The following MX1 variants were observed in gnomAD, a reference collection of about 807,000 sequenced individuals.
MX1 encodes MX dynamin like GTPase 1, also known as interferon-induced GTP-binding protein Mx1.
MX1 carries 66 observed loss-of-function variants against 66.4 expected under a neutral mutation model. That is an observed-to-expected ratio of 0.99 (90% confidence interval 0.82 to 1.22). MX1 has a LOEUF of 1.22. Among genes scored for constraint, MX1 ranks in the 50% most tolerant of loss-of-function variants. The probability of loss-of-function intolerance (pLI) is 0.00; values close to 1 mark genes in which losing one functional copy is unlikely to be tolerated. For missense variants in MX1, 787 were observed against 834.3 expected (o/e 0.94, Z 0.70); for synonymous variants, 311 against 318.1 (o/e 0.98, Z 0.24).
chr21:41,455,693 T>C (rs1182105697), intron 16 of MX1, among the ~76,000 whole-genome samples: 1 of 152,240 alleles, frequency 6.6e-6, no homozygotes, highest in African/African-American at 2.4e-5. Context: ...CCTGGGAGAT[T>C]GTTCTGCCTC....
chr21:41,435,852 C>A lies in MX1; in HGVS notation c.121C>A (p.Leu41Met). Residue 41 changes from leucine to methionine, a missense_variant, in exon 6 of 17, where the codon CTG (leucine) becomes ATG (methionine). Physicochemically the swap from Leu to Met is conservative, Grantham distance 15. Transcript: ENST00000398598. The part of the protein sequence containing the change: ...KNPGSVAENN[L>M]CSQYEEKVRP... The stretch of plus-strand genomic sequence containing the variant: ...TTTCCTCCAGGTGGCTGAGAACAAC[C>A]TGTGCAGCCAGTATGAGGAGAAGGT... The A allele has an allele frequency of 2.5e-6, 4 of 1,608,744 alleles. No homozygotes were observed. Among genetic ancestry groups the A allele is most frequent in the Non-Finnish European group, 3.4e-6 (4 of 1,175,668 alleles).
chr21:41,458,082 C>A (rs1158131644), intron 16 of MX1, among the ~76,000 whole-genome samples: 1 of 152,302 alleles, frequency 6.6e-6, no homozygotes, highest in East Asian at 1.9e-4. Flanking sequence ...CAGCTCACTG[C>A]AGCCTCCCCC....
chr21:41,433,098 T>G (rs2090266886), intron 5 of MX1, among the ~76,000 whole-genome samples: 1 of 152,112 alleles, frequency 6.6e-6, no homozygotes, highest in Non-Finnish European at 1.5e-5. Context: ...GAGAACAGAG[T>G]GTGTCTCGTG....
chr21:41,444,518 G>T (rs2090609725), intron 11 of MX1, among the ~76,000 whole-genome samples: 1 of 151,018 alleles, frequency 6.6e-6, no homozygotes. Context: ...GTAGAGACAG[G>T]GTTTCACCAT....
At chr21:41,449,022 TACC>T in intron 13 of MX1, 112 bp from the exon 14 acceptor site, 1 of 861,714 alleles carries the variant, frequency 1.2e-6, no homozygotes, top group Non-Finnish European at 1.7e-6. Context: ...TTTGATTTGA[TACC>T]ACTTTTTCTT....
intron 5 of MX1, among the ~76,000 whole-genome samples, chr21:41,434,949 C>CA (rs1401101052): frequency 6.6e-6 from 1 of 152,220 alleles, no homozygotes; most frequent in Non-Finnish European, 1.5e-5. Flanking sequence ...TCCTGTAGTG[C>CA]AGGTCTGCTG....
At chr21:41,453,236 T>C (rs918345016) in intron 16 of MX1, among the ~76,000 whole-genome samples, 2 of 152,176 alleles carry the variant, frequency 1.3e-5, no homozygotes, top group African/African-American at 2.4e-5. Flanking sequence ...CTCACTACCA[T>C]GAGAACAGTA....
chr21:41,453,378 A>C (rs2090883920), intron 16 of MX1, among the ~76,000 whole-genome samples: 1 of 152,350 alleles, frequency 6.6e-6, no homozygotes, highest in East Asian at 1.9e-4. Context: ...CCTTCGTAGA[A>C]GCAGCTCAAC....
chr21:41,430,421 A>T (rs998702197), intron 3 of MX1, 112 bp from the exon 4 acceptor site: 1 of 128,374 alleles, frequency 7.8e-6, no homozygotes, highest in Non-Finnish European at 1.6e-5. Context: ...TTCAGAGCAC[A>T]CCCCTCCTGC....
At position 41,437,086 on chromosome 21, in the gene MX1, GTCAGT is replaced by G. The variant is rs1223448607; in HGVS notation, c.372_376del (p.Ser125ProfsTer6). 6.2e-7 allele frequency: 1 copy of G among 1,613,914 alleles called. No individual in the cohort carries two copies. The highest frequency in any genetic ancestry group is 1.1e-5 in the South Asian group (1 of 91,090). ...GAACGAAGATAAGTGGAGAGGCAAGGTCAGTTACCAGGACTACGAGATTGAGATTT... is the reference window on the plus strand; with the variant it reads ...GAACGAAGATAAGTGGAGAGGCAAGGTACCAGGACTACGAGATTGAGATTT... On this transcript the variant is annotated frameshift_variant, in exon 7 of 17. Coordinates refer to ENST00000398598, the MANE Select transcript of MX1 (RefSeq NM_002462.5). LOFTEE classifies it high-confidence loss of function.
At chr21:41,437,333 A>T (rs1443497373) in intron 7 of MX1, among the ~76,000 whole-genome samples, 181 bp downstream of exon 7, 2 of 152,108 alleles carry the variant, frequency 1.3e-5, no homozygotes, top group African/African-American at 4.8e-5. Context: ...GGATATCAGC[A>T]TCTGATAGCA....
At chr21:41,447,340 TCAG>T (rs1176741932) in intron 13 of MX1, among the ~76,000 whole-genome samples, 1 of 152,116 alleles carries the variant, frequency 6.6e-6, no homozygotes, top group African/African-American at 2.4e-5. Flanking sequence ...CCAAACACAG[TCAG>T]ATTCTGAGTT....
rs8133880 is a variant in MX1, at chr21:41,441,045, A to G, written c.730+20A>G. 1.3e-6 allele frequency: 2 copies of G among 1,534,442 alleles called. No individual in the cohort carries two copies. Among genetic ancestry groups the G allele is most frequent in the Non-Finnish European group, 1.8e-6 (2 of 1,130,360 alleles). ...CCATCGGTGAGAGTGGGGGAGCCCC[A>G]CTGTGCTCAGTGAGAATGGGGGAGC... On this transcript the variant is annotated intron_variant, in intron 9 of 16. Transcript: ENST00000398598. The surrounding 1 kb of genome is among the most constrained non-coding windows in gnomAD (Gnocchi z 4.0).
chr21:41,443,589 G>A (rs1023064621), intron 10 of MX1, 199 bp from the exon 11 acceptor site: 6 of 599,580 alleles, frequency 1.0e-5, no homozygotes, highest in African/African-American at 9.3e-5. Context: ...CCATATCATT[G>A]TGGAAATATC....
chr21:41,451,679 C>A (rs530818547), intron 15 of MX1, among the ~76,000 whole-genome samples: 2 of 151,398 alleles, frequency 1.3e-5, no homozygotes, highest in African/African-American at 4.9e-5. Context: ...ACTAAAAATA[C>A]AAAAAAGTAG....
intron 1 of MX1, among the ~76,000 whole-genome samples, chr21:41,420,993 C>T (rs1212538875): frequency 6.6e-6 from 1 of 152,178 alleles, no homozygotes; most frequent in African/African-American, 2.4e-5. Context: ...AGGGAACCAG[C>T]GTTCAGCATA....
At chr21:41,429,118 T>G (rs968387853) in intron 3 of MX1, 9 of 152,282 alleles carry the variant, frequency 5.9e-5, no homozygotes, top group Non-Finnish European at 1.0e-4. Context: ...AGTCGCCACC[T>G]CTTGGCTCTT....
At chr21:41,426,465 A>G (rs1380378786) in intron 1 of MX1, 1 of 151,574 alleles carries the variant, frequency 6.6e-6, no homozygotes, top group Non-Finnish European at 1.5e-5. Context: ...AGCACGCCTG[A>G]TTCTGGTTCC....
intron 8 of MX1, among the ~76,000 whole-genome samples, chr21:41,440,403 TG>T (rs1253364094): frequency 6.6e-6 from 1 of 151,928 alleles, no homozygotes; most frequent in Non-Finnish European, 1.5e-5. Context: ...GAGGATTGCT[TG>T]AACCAGGGAG....
Sources: gnomAD v4.1 joint callset for allele counts (sites outside exome capture counted in the v4.1 genomes callset) on GRCh38, gnomAD v4.1.1 for gene constraint, Gnocchi (gnomAD v3.1) non-coding constraint, MANE v1.5 for transcripts, NCBI Gene and HGNC (gene_info 2026-07-23, HGNC 2026-07-21) for gene names.